ESRRG: variants seen among roughly 807,000 people sequenced by gnomAD.
The protein encoded by ESRRG is estrogen related receptor gamma, also known as estrogen-related receptor gamma.
In ESRRG, 13 loss-of-function variants were observed where a neutral mutation model predicts 44.0. The observed-to-expected ratio is 0.30, with a 90% confidence interval of 0.19 to 0.47. ESRRG has a LOEUF of 0.47. Among genes scored for constraint, ESRRG ranks in the 20% least tolerant of loss-of-function variants. The pLI is 1.00. For missense variants in ESRRG, 395 were observed against 580.6 expected, an observed-to-expected ratio of 0.68 and a Z score of 3.29; for synonymous variants, 215 against 214.6, an observed-to-expected ratio of 1.00 and a Z score of -0.02.
intron 2 of ESRRG, among the ~76,000 whole-genome samples, chr1:216,893,915 A>G (rs2058112185): frequency 6.6e-6 from 1 of 152,100 alleles, no homozygotes; most frequent in African/African-American, 2.4e-5. Flanking sequence ...ATTCAAACTT[A>G]TTTTCTAAAT....
At chr1:216,888,087 T>C (rs1161817124) in intron 2 of ESRRG, among the ~76,000 whole-genome samples, 2 of 152,178 alleles carry the variant, frequency 1.3e-5, no homozygotes, top group Non-Finnish European at 1.5e-5. Flanking sequence ...AATCACAATT[T>C]ACTGAGGTCC....
chr1:216,527,534 A>C (rs2048037185), intron 5 of ESRRG, among the ~76,000 whole-genome samples: 1 of 151,840 alleles, frequency 6.6e-6, no homozygotes, highest in Non-Finnish European at 1.5e-5. Flanking sequence ...TTTCCTAAAA[A>C]ATCTTCCTCT....
At chr1:216,634,470 T>A (rs2064886594) in intron 3 of ESRRG, among the ~76,000 whole-genome samples, 1 of 152,184 alleles carries the variant, frequency 6.6e-6, no homozygotes, top group African/African-American at 2.4e-5. Context: ...GAATACATTG[T>A]AAGTAATTCA....
At chr1:216,676,416 A>C (rs1384017535) in intron 2 of ESRRG, among the ~76,000 whole-genome samples, 1 of 152,188 alleles carries the variant, frequency 6.6e-6, no homozygotes, top group African/African-American at 2.4e-5. Context: ...TTTTTAATAT[A>C]AATTCATTTA....
intron 2 of ESRRG, among the ~76,000 whole-genome samples, chr1:216,777,736 TTC>T (rs1171812754): frequency 6.6e-6 from 1 of 152,126 alleles, no homozygotes; most frequent in Non-Finnish European, 1.5e-5. Flanking sequence ...CCACATTCCT[TTC>T]TCTCTCTTTC....
intron 6 of ESRRG, 109 bp from the exon 7 acceptor site, chr1:216,507,292 G>A (rs977288420): frequency 7.2e-6 from 5 of 695,756 alleles, no homozygotes; most frequent in South Asian, 2.9e-5. Context: ...ACTTCTCTGA[G>A]CTTGAACCTA....
chr1:216,573,852 C>A (rs1254407975), intron 3 of ESRRG, among the ~76,000 whole-genome samples: 1 of 151,738 alleles, frequency 6.6e-6, no homozygotes, highest in African/African-American at 2.4e-5. Context: ...TAAACTAATA[C>A]CTTTAAAATA....
chr1:216,684,612 A>G (rs1045785926), intron 1 of ESRRG, among the ~76,000 whole-genome samples: 1 of 152,230 alleles, frequency 6.6e-6, no homozygotes, highest in Non-Finnish European at 1.5e-5. Flanking sequence ...AGTCTATAAA[A>G]TATACACAGT....
chr1:216,948,375 G>T (rs1454133554), intron 1 of ESRRG, among the ~76,000 whole-genome samples: 1 of 151,278 alleles, frequency 6.6e-6, no homozygotes, highest in Non-Finnish European at 1.5e-5. Flanking sequence ...TGCTCAGGAG[G>T]TGTAGGCAGG....
At chr1:217,133,643 CTCTCTTTCTT>C (rs1482505806) in intron 1 of ESRRG, among the ~76,000 whole-genome samples, 11 of 52,636 alleles carry the variant, frequency 2.1e-4, no homozygotes, top group African/African-American at 3.0e-4. Flanking sequence ...CTCTCTCTCT[CTCTCTTTCTT>C]TCTTTCTTTC....
intron 1 of ESRRG, among the ~76,000 whole-genome samples, chr1:217,096,353 G>A (rs967512134): frequency 7.9e-5 from 12 of 152,190 alleles, no homozygotes; most frequent in Admixed American, 1.3e-4. Flanking sequence ...TACCAACTAC[G>A]TTCTCAGCTA....
At chr1:217,134,937 A>G (rs527784920) in intron 1 of ESRRG, among the ~76,000 whole-genome samples, 1 of 152,360 alleles carries the variant, frequency 6.6e-6, no homozygotes, top group East Asian at 1.9e-4. Flanking sequence ...AAGGTGCCGC[A>G]GCGCCCAGTT....
rs189093175 is a variant in ESRRG, at chr1:216,704,149, A to G, written c.56+19095T>C. On this transcript the variant is annotated intron_variant, in intron 1 of 6. Coordinates refer to ENST00000408911, the MANE Select transcript of ESRRG (RefSeq NM_001438.4). ...AGGCTAGCACTTCACTGGCTCAAAA[A>G]AAGCAGATCTTTTAAATTTACTTTG... 4.2e-3 allele frequency among the ~76,000 whole-genome samples: 642 copies of G among 152,284 alleles called. 3 individuals are homozygous for G. The highest frequency in any genetic ancestry group is 0.015 in the African/African-American group (620 of 41,552).
intron 1 of ESRRG, among the ~76,000 whole-genome samples, chr1:217,136,407 A>G (rs531604769): frequency 6.6e-5 from 10 of 152,196 alleles, no homozygotes; most frequent in African/African-American, 2.4e-4. Context: ...CCCACTCAGC[A>G]ACTTTACTTC....
intron 2 of ESRRG, among the ~76,000 whole-genome samples, chr1:216,755,918 G>A (rs2092411428): frequency 6.6e-6 from 1 of 151,926 alleles, no homozygotes; most frequent in Non-Finnish European, 1.5e-5. Context: ...CCTATTAGTA[G>A]CAATCCAGAG....
At chr1:216,926,789 A>C (rs1436948706) in intron 2 of ESRRG, among the ~76,000 whole-genome samples, 1 of 152,176 alleles carries the variant, frequency 6.6e-6, no homozygotes, top group Non-Finnish European at 1.5e-5. Context: ...GTGACAAAAA[A>C]GCCTGGAAGA....
intron 5 of ESRRG, among the ~76,000 whole-genome samples, chr1:216,538,171 T>A (rs2051570807): frequency 1.3e-5 from 2 of 152,086 alleles, no homozygotes; most frequent in Non-Finnish European, 2.9e-5. Flanking sequence ...ACTACTAAAG[T>A]CATTATCTCT....
At chr1:216,969,554 C>T (rs1306912341) in intron 1 of ESRRG, among the ~76,000 whole-genome samples, 1 of 152,058 alleles carries the variant, frequency 6.6e-6, no homozygotes, top group Non-Finnish European at 1.5e-5. Flanking sequence ...GTTTTAGGAA[C>T]CACATTTTGG....
At chr1:216,898,876 T>C (rs917108018) in intron 2 of ESRRG, among the ~76,000 whole-genome samples, 1 of 152,156 alleles carries the variant, frequency 6.6e-6, no homozygotes, top group Non-Finnish European at 1.5e-5. Context: ...ATACATTTTC[T>C]TCTACTGTTG....
Sources: gnomAD v4.1 joint callset for allele counts (sites outside exome capture counted in the v4.1 genomes callset) on GRCh38, gnomAD v4.1.1 for gene constraint, MANE v1.5 for transcripts, NCBI Gene and HGNC (gene_info 2026-07-23, HGNC 2026-07-21) for gene names.